The following MYLK3 variants were observed in gnomAD, a reference collection of about 807,000 sequenced individuals.
MYLK3 encodes the protein MLC kinase.
In MYLK3, 55 loss-of-function variants were observed where a neutral mutation model predicts 76.3. The ratio of observed to expected loss-of-function variants is 0.72; its 90% CI spans 0.58 to 0.90. The LOEUF is 0.90. Ranked by LOEUF, MYLK3 falls within the 40% of genes least tolerant of loss-of-function variation. MYLK3 has a pLI of 0.00. For synonymous variants in MYLK3, 416 were observed against 425.4 expected, an observed-to-expected ratio of 0.98 and a Z score of 0.27; for missense variants, 973 against 1,053.6, an observed-to-expected ratio of 0.92 and a Z score of 1.06.
chr16:46,750,895 A>G (rs1967115582), upstream of MYLK3, among the ~76,000 whole-genome samples: 1 of 152,198 alleles, frequency 6.6e-6, no homozygotes, highest in African/African-American at 2.4e-5. Context: ...TGGGAGGCTG[A>G]GGCAGGAGAA....
chr16:46,753,823 G>A (rs1349398290), intron 1 of MYLK3, among the ~76,000 whole-genome samples: 2 of 152,208 alleles, frequency 1.3e-5, no homozygotes, highest in Non-Finnish European at 2.9e-5. Flanking sequence ...TGAGGTGGCA[G>A]GATTGTTTAA....
At chr16:46,711,986 A>G (rs895602197) in intron 10 of MYLK3, among the ~76,000 whole-genome samples, 3 of 111,520 alleles carry the variant, frequency 2.7e-5, no homozygotes, top group African/African-American at 1.0e-4. Context: ...GGCTCAAGCC[A>G]TAATTTTTTT....
chr16:46,733,684 A>C (rs1417171681), intron 3 of MYLK3, among the ~76,000 whole-genome samples: 2 of 148,986 alleles, frequency 1.3e-5, no homozygotes, highest in African/African-American at 4.9e-5. Flanking sequence ...GAGTCTCCCC[A>C]CCTCTGGCTG....
At chr16:46,741,895 C>T (rs943509393) in intron 1 of MYLK3, among the ~76,000 whole-genome samples, 5 of 152,018 alleles carry the variant, frequency 3.3e-5, no homozygotes, top group Admixed American at 6.6e-5. Context: ...CTCAGCCTCA[C>T]GAGTAGCTGG....
At chr16:46,738,678 TGA>T (rs1966886092) in intron 2 of MYLK3, among the ~76,000 whole-genome samples, 1 of 152,240 alleles carries the variant, frequency 6.6e-6, no homozygotes, top group Non-Finnish European at 1.5e-5. Flanking sequence ...GGAGCATGTG[TGA>T]GTGTGCATGT....
In MYLK3 at chr16:46,705,511, AGAG is replaced by A. The variant is rs1259023096; in HGVS notation, c.*2190_*2192del. On this transcript the variant is annotated 3_prime_UTR_variant, in exon 13 of 13. Transcript: ENST00000394809. ...ACCAGTGCACTCCAGCCTGGGTGAC[AGAG>A]GAAGACTCTCTCAAAAAAAATAAAA... 1 of 151,934 alleles carries A rather than the reference AGAG, an allele frequency of 6.6e-6. No individual in the cohort carries two copies. Among genetic ancestry groups the A allele is most frequent in the Non-Finnish European group, 1.5e-5 (1 of 67,982 alleles). The allele number at this position is 151,934 out of a possible 1,614,324, so 9.4% of individuals were successfully genotyped here.
Position 46,729,701 on chromosome 16 carries a change from G to T in MYLK3, c.1569-14C>A. 6.2e-7 allele frequency: 1 copy of T among 1,611,482 alleles called. No individual in the cohort carries two copies. Among genetic ancestry groups the T allele is most frequent in the Non-Finnish European group, 8.5e-7 (1 of 1,177,946 alleles). On this transcript the variant is annotated splice_polypyrimidine_tract_variant and intron_variant, in intron 5 of 12. Coordinates refer to ENST00000394809, the MANE Select transcript of MYLK3 (RefSeq NM_182493.3). ...CCAAACCGACCCCTGCAGAGACATA[G>T]CCACACGGCAGGCTGAGAGCCCAGA...
At position 46,738,086 on chromosome 16, in the gene MYLK3, G is replaced by T. The variant is rs752745921; in HGVS notation, c.626C>A (p.Ala209Glu). Reference sequence around the variant, plus strand: ...GGCGGGGTCAGCTCCCAGCCCTGACGCTCTGATGGGGGGCAGCCTCTCCGC... The same window carrying T: ...GGCGGGGTCAGCTCCCAGCCCTGACTCTCTGATGGGGGGCAGCCTCTCCGC... ...GTAERLPPIR[A>E]SGLGADPAQA... Residue 209 changes from alanine (A) to glutamate (E), a missense_variant, in exon 3 of 13, where the codon GCG (alanine) becomes GAG (glutamate). Transcript: ENST00000394809. 5 of 1,594,868 alleles carry T rather than the reference G, an allele frequency of 3.1e-6. No homozygotes were observed. Among genetic ancestry groups the T allele is most frequent in the Non-Finnish European group, 4.3e-6 (5 of 1,170,986 alleles).
chr16:46,713,359 G>C (rs1447835991), intron 9 of MYLK3, among the ~76,000 whole-genome samples: 1 of 151,908 alleles, frequency 6.6e-6, no homozygotes, highest in African/African-American at 2.4e-5. Flanking sequence ...CACTACATCT[G>C]ACTAATTTTT....
intron 1 of MYLK3, among the ~76,000 whole-genome samples, chr16:46,742,117 T>G (rs1966940975): frequency 6.6e-6 from 1 of 152,274 alleles, no homozygotes; most frequent in South Asian, 2.1e-4. Flanking sequence ...GAAACATTTG[T>G]GGAGCTATAT....
intron 8 of MYLK3, chr16:46,726,737 A>G (rs886216956): frequency 3.0e-5 from 4 of 135,110 alleles, no homozygotes; most frequent in East Asian, 2.3e-4. Context: ...AAGAAAGAAA[A>G]GAAAGAGAGA....
intron 1 of MYLK3, among the ~76,000 whole-genome samples, chr16:46,753,674 G>C (rs1967158849): frequency 6.6e-6 from 1 of 152,194 alleles, no homozygotes; most frequent in Non-Finnish European, 1.5e-5. Context: ...ACTTTGGGAG[G>C]CCAGGGTGGG....
intron 3 of MYLK3, among the ~76,000 whole-genome samples, chr16:46,735,229 A>G (rs1247797558): frequency 6.6e-6 from 1 of 151,952 alleles, no homozygotes; most frequent in Non-Finnish European, 1.5e-5. Flanking sequence ...ATTTGCAACA[A>G]AGTCTCGGTC....
At chr16:46,709,295 G>A (rs923649596) in intron 12 of MYLK3, among the ~76,000 whole-genome samples, 4 of 152,050 alleles carry the variant, frequency 2.6e-5, no homozygotes, top group African/African-American at 9.7e-5. Context: ...GGTGGTACAT[G>A]CCTGTAGTCC....
At position 46,732,388 on chromosome 16, in the gene MYLK3, G is replaced by T; in HGVS notation, c.1282C>A (p.Pro428Thr). ...QRAGAEPGTR[P>T]SLARSDDNDH... ...TTGTCGTCACTCCTGGCCAAGCTTG[G>T]TCTCGTGCCAGGCTCGGCCCCAGCC... The change falls in exon 4 of 13, where the codon CCA becomes ACA. Residue 428 changes from proline to threonine, a missense_variant. Around this residue, in one of 2 missense-constraint regions of MYLK3, gnomAD observed 641 missense variants for 637.0 expected, o/e 1.01. Coordinates refer to ENST00000394809, the MANE Select transcript of MYLK3 (RefSeq NM_182493.3). 6.2e-7 allele frequency: 1 copy of T among 1,613,688 alleles called. No homozygotes were observed. The highest frequency in any genetic ancestry group is 8.5e-7 in the Non-Finnish European group (1 of 1,180,016).
rs1177471062 is a variant in MYLK3, at chr16:46,735,011, C to T, written c.1002-2343G>A. Among the ~76,000 whole-genome samples, 3 of 151,864 alleles carry T rather than the reference C, an allele frequency of 2.0e-5. No individual in the cohort carries two copies. In the East Asian group the frequency reaches 5.9e-4, roughly 30 times the overall value. On this transcript the variant is annotated intron_variant, in intron 3 of 12. Coordinates refer to ENST00000394809, the MANE Select transcript of MYLK3 (RefSeq NM_182493.3). ...AAAAAATTAACCAGGCATGGTGGCA[C>T]ATGCTTGTAATCCCAGCTACACTGC... is the stretch of plus-strand genomic sequence containing the variant.
chr16:46,711,003 T>A, intron 10 of MYLK3: 1 of 582,490 alleles, frequency 1.7e-6, no homozygotes, highest in East Asian at 3.0e-5. Context: ...CAAGAAGAAT[T>A]TTTGGAATAA....
In MYLK3 at chr16:46,737,757, G is replaced by T. The variant is rs1319201975; in HGVS notation, c.955C>A (p.Pro319Thr). The T allele has an allele frequency of 6.2e-7, 1 of 1,609,902 alleles. No individual in the cohort carries two copies. Among genetic ancestry groups the T allele is most frequent in the Non-Finnish European group, 8.5e-7 (1 of 1,178,776 alleles). The change falls in exon 3 of 13, where the codon CCA becomes ACA. Residue 319 changes from proline (P) to threonine (T), a missense_variant. Pro to Thr is a conservative substitution (Grantham distance 38). Around this residue, in one of 2 missense-constraint regions of MYLK3, gnomAD observed 641 missense variants for 637.0 expected, o/e 1.01. Coordinates refer to ENST00000394809, the MANE Select transcript of MYLK3 (RefSeq NM_182493.3). The part of the protein sequence containing the change: ...GPQCPGPPGL[P>T]AQARATHSGG... ...CTGTGGGTTGCCCTGGCCTGGGCTG[G>T]CAGCCCTGGAGGCCCTGGGCACTGA...
intron 5 of MYLK3, 138 bp from the exon 6 acceptor site, chr16:46,729,825 C>T (rs1966848904): frequency 4.2e-6 from 3 of 713,654 alleles, no homozygotes; most frequent in Non-Finnish European, 4.8e-6. Flanking sequence ...TGTCATCACC[C>T]CAAAACCCTG....
Sources: allele counts gnomAD v4.1 joint callset (sites outside exome capture counted in the v4.1 genomes callset), GRCh38; gene constraint gnomAD v4.1.1; regional missense constraint gnomAD v4.1.1; transcripts MANE v1.5; gene names NCBI Gene and HGNC (gene_info 2026-07-23, HGNC 2026-07-21).